Variants in ARL14EPL observed in about 807,000 individuals in gnomAD.
ARL14EPL encodes ARL14 effector protein-like.
A neutral mutation model predicts 15.9 loss-of-function variants in ARL14EPL; 17 were observed. The ratio of observed to expected loss-of-function variants is 1.07; its 90% CI spans 0.73 to 1.60. The LOEUF (loss-of-function observed/expected upper bound fraction) is 1.60, where lower values mean the gene tolerates loss of function less well. Among genes scored for constraint, ARL14EPL ranks in the 40% most tolerant of loss-of-function variants. ARL14EPL has a pLI of 0.00. For missense variants in ARL14EPL, 214 were observed against 185.9 expected (o/e 1.15, Z -0.88); for synonymous variants, 78 against 63.8 (o/e 1.22, Z -1.06).
intron 1 of ARL14EPL, among the ~76,000 whole-genome samples, chr5:116,037,484 G>A (rs1030465): frequency 0.36 from 55,371 of 152,044 alleles, 10,219 homozygotes; most frequent in East Asian, 0.41. Context: ...TAGTGGAGAC[G>A]AAGATTCTGG....
At chr5:116,032,575 A>T (rs962774098) in intron 1 of ARL14EPL, 70 bp downstream of exon 1, 31 of 152,308 alleles carry the variant, frequency 2.0e-4, no homozygotes, top group African/African-American at 7.5e-4. Flanking sequence ...ATTACAATGT[A>T]TTGTTATAAT....
intron 1 of ARL14EPL, among the ~76,000 whole-genome samples, chr5:116,048,130 G>A (rs1362717110): frequency 6.6e-6 from 1 of 152,178 alleles, no homozygotes; most frequent in Non-Finnish European, 1.5e-5. Context: ...TGCTCTAGGA[G>A]TCTGATGCTT....
At chr5:116,045,792 A>C (rs573418314) in intron 1 of ARL14EPL, among the ~76,000 whole-genome samples, 4 of 151,496 alleles carry the variant, frequency 2.6e-5, no homozygotes, top group African/African-American at 7.3e-5. Flanking sequence ...ATGTGTACGA[A>C]AATACAACTA....
At chr5:116,051,791 G>C in intron 2 of ARL14EPL, 1 of 763,136 alleles carries the variant, frequency 1.3e-6, no homozygotes, top group Non-Finnish European at 2.1e-6. Context: ...TTAGCCCAGT[G>C]TTCTGTACAA....
Position 116,058,946 on chromosome 5 carries a change from A to G in ARL14EPL, c.458A>G (p.Ter153TrpextTer7). 6.5e-7 allele frequency: 1 copy of G among 1,535,740 alleles called. No homozygotes were observed. The highest frequency in any genetic ancestry group is 2.4e-5 in the East Asian group (1 of 40,920). Reference protein sequence around the residue: ...ISTLPFNVPD* With the variant: ...ISTLPFNVPDW ...ACGCTGCCGTTTAATGTTCCTGACT[A>G]GGTGCTCTTGTATATGGACTGATTT... Residue 153 changes from the stop codon to tryptophan (W), a stop_lost, in exon 4 of 4, where the codon TAG (stop) becomes TGG (tryptophan). Coordinates refer to ENST00000686077, the MANE Select transcript of ARL14EPL (RefSeq NM_001195581.2).
At chr5:116,057,657 G>C (rs1441469064) in intron 3 of ARL14EPL, among the ~76,000 whole-genome samples, 2 of 152,154 alleles carry the variant, frequency 1.3e-5, no homozygotes, top group African/African-American at 2.4e-5. Context: ...ATCTTCATTA[G>C]AAGGCATTCT....
chr5:116,039,820 A>G (rs968349223), intron 1 of ARL14EPL, among the ~76,000 whole-genome samples: 1 of 152,240 alleles, frequency 6.6e-6, no homozygotes, highest in African/African-American at 2.4e-5. Flanking sequence ...ACATGATGAT[A>G]TAATGAACAA....
chr5:116,052,089 G>T, intron 2 of ARL14EPL: 9 of 1,613,428 alleles, frequency 5.6e-6, no homozygotes, highest in Non-Finnish European at 7.6e-6. Flanking sequence ...GGGGTTATAA[G>T]TTTATAGTTG....
intron 1 of ARL14EPL, among the ~76,000 whole-genome samples, chr5:116,035,789 G>A (rs1337580371): frequency 6.6e-6 from 1 of 152,192 alleles, no homozygotes; most frequent in Non-Finnish European, 1.5e-5. Flanking sequence ...CCTCTGAGGA[G>A]GAGGCTCTGG....
Position 116,044,780 on chromosome 5 carries a change from C to T in ARL14EPL, c.-9-6677C>T, listed in dbSNP as rs143583238. On this transcript the variant is annotated intron_variant, in intron 1 of 3. Transcript: ENST00000686077. ...TCCCTTCCTTCATTTTCTACCTCCC[C>T]TCGTCCCAGCCATTATTATACAGCA... 1.1e-4 allele frequency among the ~76,000 whole-genome samples: 17 copies of T among 152,226 alleles called. No individual in the cohort carries two copies. In the East Asian group the frequency reaches 3.1e-3, roughly 28 times the overall value.
chr5:116,051,931 T>A, intron 2 of ARL14EPL: 2 of 1,603,974 alleles, frequency 1.2e-6, no homozygotes, highest in Non-Finnish European at 1.7e-6. Context: ...CACCAGCAGC[T>A]GGAGCATCTC....
In ARL14EPL at chr5:116,039,805, T is replaced by G. The variant is rs556678695; in HGVS notation, c.-10+7300T>G. On this transcript the variant is annotated intron_variant, in intron 1 of 3. Transcript: ENST00000686077. ...TAATTACAGATGCTGCAGACATCAA[T>G]GATAACATGATGATATAATGAACAA... Among the ~76,000 whole-genome samples, 23 of 152,304 alleles carry G rather than the reference T, an allele frequency of 1.5e-4. 1 individual carries two copies. The highest frequency in any genetic ancestry group is 5.5e-4 in the African/African-American group (23 of 41,574).
chr5:116,035,715 G>A (rs1333585336), intron 1 of ARL14EPL, among the ~76,000 whole-genome samples: 3 of 152,176 alleles, frequency 2.0e-5, no homozygotes, highest in Non-Finnish European at 4.4e-5. Flanking sequence ...CAAGGAGAGG[G>A]TCAACTTGAC....
chr5:116,046,458 T>C (rs1308612964), intron 1 of ARL14EPL, among the ~76,000 whole-genome samples: 4 of 152,042 alleles, frequency 2.6e-5, no homozygotes, highest in African/African-American at 9.7e-5. Context: ...TGAGTCATTT[T>C]GCCTGGAGTG....
chr5:116,041,889 C>T (rs2112670006), intron 1 of ARL14EPL, among the ~76,000 whole-genome samples: 1 of 152,272 alleles, frequency 6.6e-6, no homozygotes, highest in Admixed American at 6.5e-5. Context: ...AATGCACTGA[C>T]TCAATCACGG....
intron 1 of ARL14EPL, among the ~76,000 whole-genome samples, chr5:116,037,093 T>G (rs1205159228): frequency 6.6e-6 from 1 of 152,210 alleles, no homozygotes; most frequent in Non-Finnish European, 1.5e-5. Context: ...TGATTAAGTA[T>G]AGCCAGTTCT....
intron 1 of ARL14EPL, among the ~76,000 whole-genome samples, chr5:116,046,914 A>G (rs1749278015): frequency 6.6e-6 from 1 of 152,108 alleles, no homozygotes; most frequent in East Asian, 1.9e-4. Flanking sequence ...TGTGGGCCTA[A>G]TCTGATAGAA....
intron 1 of ARL14EPL, among the ~76,000 whole-genome samples, chr5:116,046,300 A>G (rs997723331): frequency 6.6e-6 from 1 of 152,200 alleles, no homozygotes; most frequent in African/African-American, 2.4e-5. Flanking sequence ...ATTTAAATGG[A>G]ACGTTTCTTG....
chr5:116,051,368 G>A (rs914194930), intron 1 of ARL14EPL, 89 bp from the exon 2 acceptor site: 37 of 798,100 alleles, frequency 4.6e-5, no homozygotes, highest in African/African-American at 4.0e-4. Flanking sequence ...AAAGTGAGAC[G>A]TGTAGGGAGA....
Sources: gnomAD v4.1 joint callset for allele counts (sites outside exome capture counted in the v4.1 genomes callset) on GRCh38, gnomAD v4.1.1 for gene constraint, MANE v1.5 for transcripts, NCBI Gene and HGNC (gene_info 2026-07-23, HGNC 2026-07-21) for gene names.